Variants in ERBB4 observed in about 807,000 individuals in gnomAD.
ERBB4 encodes erb-b2 receptor tyrosine kinase 4.
ERBB4 carries 42 observed loss-of-function variants against 158.0 expected under a neutral mutation model. That is an observed-to-expected ratio of 0.27 (90% confidence interval 0.21 to 0.34). ERBB4 has a LOEUF of 0.34. ERBB4 is among the 10% of genes least tolerant of loss of function. The pLI is 1.00. For missense variants in ERBB4, 1,333 were observed against 1,624.1 expected, an observed-to-expected ratio of 0.82 and a Z score of 3.08; for synonymous variants, 583 against 558.7, an observed-to-expected ratio of 1.04 and a Z score of -0.61.
At chr2:211,416,220 A>T (rs572412417) in intron 25 of ERBB4, among the ~76,000 whole-genome samples, 2 of 152,310 alleles carry the variant, frequency 1.3e-5, no homozygotes, top group Non-Finnish European at 2.9e-5. Flanking sequence ...ACATCAGTTT[A>T]TTCACTATTT....
intron 20 of ERBB4, among the ~76,000 whole-genome samples, chr2:211,461,537 A>G (rs1273811696): frequency 6.6e-6 from 1 of 152,094 alleles, no homozygotes; most frequent in Non-Finnish European, 1.5e-5. Flanking sequence ...CATCTTCTCA[A>G]TATCTGGCCT....
At chr2:212,289,655 G>A (rs2086132232) in intron 1 of ERBB4, among the ~76,000 whole-genome samples, 1 of 152,090 alleles carries the variant, frequency 6.6e-6, no homozygotes, top group South Asian at 2.1e-4. Context: ...TTCTATATGA[G>A]TATCTGAGGG....
In ERBB4 at chr2:212,166,317, T is replaced by A. The variant is rs189837571; in HGVS notation, c.83-41414A>T. Among the ~76,000 whole-genome samples the A allele has an allele frequency of 6.4e-4, 98 of 152,184 alleles. 1 individual carries two copies. Among genetic ancestry groups the A allele is most frequent in the Non-Finnish European group, 1.6e-4 (11 of 67,986 alleles). Reference sequence around the variant, plus strand: ...TCACTACAGATTTAGATGAGAATATTTCAAACTAATATGGTTGGAAATTCA... The same window carrying A: ...TCACTACAGATTTAGATGAGAATATATCAAACTAATATGGTTGGAAATTCA... On this transcript the variant is annotated intron_variant, in intron 1 of 27. Transcript: ENST00000342788.
At chr2:212,237,947 C>A (rs2083940271) in intron 1 of ERBB4, among the ~76,000 whole-genome samples, 1 of 152,184 alleles carries the variant, frequency 6.6e-6, no homozygotes, top group Non-Finnish European at 1.5e-5. Flanking sequence ...TCAAGTGTCC[C>A]AGGTTGACTT....
chr2:211,413,339 C>T (rs1013319186), intron 25 of ERBB4, among the ~76,000 whole-genome samples: 5 of 112,788 alleles, frequency 4.4e-5, no homozygotes, highest in Non-Finnish European at 1.0e-4. Context: ...CACACACACA[C>T]ACACACACAT....
rs539080729 is a variant in ERBB4, at chr2:212,509,397, C to T, written c.82+29052G>A. 2.6e-4 allele frequency among the ~76,000 whole-genome samples: 39 copies of T among 151,982 alleles called. No homozygotes were observed. The East Asian group carries it at 7.0e-3, about 27-fold the overall frequency. The stretch of plus-strand genomic sequence containing the variant: ...ACTAAGGTCTTAATTAATAGTAAGG[C>T]GGTCAAATTCTGTTGGTGTTATTAT... On this transcript the variant is annotated intron_variant, in intron 1 of 27. Transcript: ENST00000342788.
chr2:211,896,397 T>G (rs1452338796), intron 3 of ERBB4, among the ~76,000 whole-genome samples: 1 of 152,174 alleles, frequency 6.6e-6, no homozygotes, highest in African/African-American at 2.4e-5. Flanking sequence ...CATTCATACT[T>G]AGTCCATCAT....
intron 1 of ERBB4, among the ~76,000 whole-genome samples, chr2:212,262,642 C>T (rs1219022584): frequency 1.3e-5 from 2 of 151,966 alleles, no homozygotes; most frequent in Admixed American, 6.6e-5. Context: ...ACAAAAGTGG[C>T]TTTATTTAAA....
chr2:211,599,549 TAGAC>T (rs1186149850), intron 19 of ERBB4, among the ~76,000 whole-genome samples: 2 of 16,444 alleles, frequency 1.2e-4, no homozygotes, highest in South Asian at 2.1e-3. Context: ...CCTGTCAAGT[TAGAC>T]AGACTCAGTG....
At chr2:211,946,082 T>C (rs2080681433) in intron 3 of ERBB4, among the ~76,000 whole-genome samples, 1 of 151,750 alleles carries the variant, frequency 6.6e-6, no homozygotes, top group Non-Finnish European at 1.5e-5. Context: ...GTAAAAAAAC[T>C]CCATTCTTCA....
At chr2:212,131,974 T>C (rs2080119279) in intron 1 of ERBB4, among the ~76,000 whole-genome samples, 1 of 152,212 alleles carries the variant, frequency 6.6e-6, no homozygotes, top group Non-Finnish European at 1.5e-5. Context: ...TTGCCATAAG[T>C]ATTTATTCCT....
chr2:212,032,751 T>C (rs1299734149), intron 2 of ERBB4, among the ~76,000 whole-genome samples: 1 of 151,920 alleles, frequency 6.6e-6, no homozygotes, highest in Non-Finnish European at 1.5e-5. Context: ...CAGACTTCCA[T>C]ATGGACATGC....
chr2:211,770,048 C>CAA (rs1410692760), intron 4 of ERBB4, among the ~76,000 whole-genome samples: 1 of 152,196 alleles, frequency 6.6e-6, no homozygotes, highest in Non-Finnish European at 1.5e-5. Context: ...AAATTTAACT[C>CAA]AGTTTTACCA....
intron 1 of ERBB4, among the ~76,000 whole-genome samples, chr2:212,356,729 AAC>A (rs77790654): frequency 0.1 from 15,461 of 151,940 alleles, 893 homozygotes; most frequent in Admixed American, 0.14. Context: ...GTAAAAAAAA[AAC>A]ATTCCTTGAT....
At chr2:212,303,154 G>A (rs7584943) in intron 1 of ERBB4, among the ~76,000 whole-genome samples, 10,479 of 151,302 alleles carry the variant, frequency 0.069, 1,218 homozygotes, top group African/African-American at 0.24. Context: ...TCCCATCATC[G>A]CTTAACTGTC....
At chr2:212,363,111 T>C (rs2089753297) in intron 1 of ERBB4, among the ~76,000 whole-genome samples, 1 of 151,408 alleles carries the variant, frequency 6.6e-6, no homozygotes, top group Non-Finnish European at 1.5e-5. Context: ...CCTATTTACA[T>C]GATGTAATAT....
intron 16 of ERBB4, among the ~76,000 whole-genome samples, chr2:211,637,659 T>C (rs1049340992): frequency 1.2e-4 from 18 of 152,168 alleles, no homozygotes; most frequent in Non-Finnish European, 1.3e-4. Context: ...CCAATACTTG[T>C]ATATTTTATA....
intron 1 of ERBB4, among the ~76,000 whole-genome samples, chr2:212,128,652 TTGTGTTA>T (rs1452099586): frequency 2.0e-5 from 3 of 152,230 alleles, no homozygotes; most frequent in Admixed American, 6.5e-5. Flanking sequence ...TAAATTCTAG[TTGTGTTA>T]TATGCTTTTG....
intron 4 of ERBB4, among the ~76,000 whole-genome samples, chr2:211,751,808 TA>T (rs1259918138): frequency 2.6e-5 from 4 of 152,170 alleles, no homozygotes; most frequent in Non-Finnish European, 5.9e-5. Context: ...GTTAAATGAG[TA>T]CACGGTTAAG....
Sources: gnomAD v4.1 joint callset for allele counts (sites outside exome capture counted in the v4.1 genomes callset) on GRCh38, gnomAD v4.1.1 for gene constraint, MANE v1.5 for transcripts, NCBI Gene and HGNC (gene_info 2026-07-23, HGNC 2026-07-21) for gene names.